The following ZNF518A variants were observed in gnomAD, a reference collection of about 807,000 sequenced individuals.
ZNF518A encodes the protein zinc finger protein 518.
A neutral mutation model predicts 102.7 loss-of-function variants in ZNF518A; 47 were observed. The observed-to-expected ratio is 0.46, with a 90% CI of 0.36 to 0.58. ZNF518A has a LOEUF of 0.58. Among genes scored for constraint, ZNF518A ranks in the 20% least tolerant of loss-of-function variants. The pLI, the probability that ZNF518A is intolerant of heterozygous loss-of-function variation, is 0.00. For missense variants in ZNF518A, 1,793 were observed against 1,699.8 expected, an observed-to-expected ratio of 1.05 and a Z score of -0.96; for synonymous variants, 652 against 594.6, an observed-to-expected ratio of 1.10 and a Z score of -1.40.
chr10:96,183,111 AG>A (rs1429502691), intron 1 of ZNF518A, among the ~76,000 whole-genome samples: 1 of 152,068 alleles, frequency 6.6e-6, no homozygotes, highest in Non-Finnish European at 1.5e-5. Context: ...ATTTGTGTAG[AG>A]GTGTTTATAG....
chr10:96,167,511 T>C (rs1238946490), downstream of ZNF518A, among the ~76,000 whole-genome samples: 1 of 152,166 alleles, frequency 6.6e-6, no homozygotes, highest in Admixed American at 6.6e-5. Context: ...TTAAGGAAAG[T>C]ATTCTAATGT....
intron 1 of ZNF518A, among the ~76,000 whole-genome samples, chr10:96,194,380 T>A (rs2083405282): frequency 6.6e-6 from 1 of 152,038 alleles, no homozygotes; most frequent in South Asian, 2.1e-4. Context: ...AAAATAAAAT[T>A]CCCCAATATA....
intron 1 of ZNF518A, among the ~76,000 whole-genome samples, chr10:96,188,967 C>T (rs2083289981): frequency 6.6e-6 from 1 of 152,164 alleles, no homozygotes; most frequent in Admixed American, 6.5e-5. Flanking sequence ...ATCTTTGGTG[C>T]TCCCAGGCCT....
At chr10:96,196,071 C>G (rs1564810345) in intron 1 of ZNF518A, among the ~76,000 whole-genome samples, 2 of 152,206 alleles carry the variant, frequency 1.3e-5, no homozygotes, top group South Asian at 2.1e-4. Flanking sequence ...TATTTTCTAG[C>G]AGGTGCTGGG....
In ZNF518A at chr10:96,157,837, A is replaced by G; in HGVS notation, c.1515A>G (p.Thr505=). 2 of 1,613,928 alleles carry G rather than the reference A, an allele frequency of 1.2e-6. No homozygotes were observed. Among genetic ancestry groups the G allele is most frequent in the South Asian group, 1.1e-5 (1 of 91,076 alleles). ...GAGTAACAACTGAGTTAAATGACAC[A>G]GTTTATATGAAAGCAGCTACTCCAT... is the stretch of plus-strand genomic sequence containing the variant. The part of the protein sequence containing the change: ...LTGVTTELND[T]VYMKAATPFS... The change falls in exon 6 of 6, where the codon ACA becomes ACG. Residue 505 remains threonine, a synonymous_variant. Transcript: ENST00000316045.
intron 1 of ZNF518A, among the ~76,000 whole-genome samples, chr10:96,184,509 T>C (rs2083259317): frequency 1.3e-5 from 2 of 152,214 alleles, no homozygotes; most frequent in African/African-American, 2.4e-5. Flanking sequence ...GGTGACAAAA[T>C]CTCTCAGCAT....
chr10:96,204,064 AGG>A, exon 3 of ZNF518A: 1 of 1,613,700 alleles, frequency 6.2e-7, no homozygotes. Flanking sequence ...TACTTGGCAG[AGG>A]TATGGGTTTT....
Position 96,199,525 on chromosome 10 carries a change from C to T in ZNF518A, n.36-4049C>T, listed in dbSNP as rs1414018221. On this transcript the variant is annotated intron_variant and non_coding_transcript_variant, in intron 1 of 2. Transcript: ENST00000442635. ...CCCACTGTTTGGAGGGCAGTGGAGG[C>T]TGTGGGTCCTTGAGGAGATGAAAGG... 1.3e-5 allele frequency: 6 copies of T among 460,880 alleles called. No individual in the cohort carries two copies. The East Asian group carries it at 4.0e-4, about 31-fold the overall frequency. 28.5% of individuals were successfully genotyped at this position (460,880 alleles called of 1,614,324 possible).
intron 3 of ZNF518A, among the ~76,000 whole-genome samples, chr10:96,148,578 G>A (rs587630203): frequency 1.5e-5 from 2 of 130,566 alleles, no homozygotes; most frequent in East Asian, 4.5e-4. Flanking sequence ...CTGTCTGCTT[G>A]TGTCTCAGAA....
intron 3 of ZNF518A, among the ~76,000 whole-genome samples, chr10:96,134,119 A>G (rs1554873440): frequency 6.6e-6 from 1 of 152,250 alleles, no homozygotes; most frequent in Non-Finnish European, 1.5e-5. Context: ...AAAGGCAATC[A>G]TCACTGGAAC....
At position 96,159,514 on chromosome 10, in the gene ZNF518A, T is replaced by G; in HGVS notation, c.3192T>G (p.Ile1064Met). Residue 1064 changes from isoleucine (I) to methionine (M), a missense_variant, in exon 6 of 6, where the codon ATT becomes ATG. By Grantham distance (10) the Ile-to-Met change is conservative. Transcript: ENST00000316045. ...KPTSSVKAVL[I>M]PNMLSEQQST... is the part of the protein sequence containing the mutation. The stretch of plus-strand genomic sequence containing the variant: ...CGAGTTCTGTGAAAGCTGTTCTTAT[T>G]CCTAACATGCTATCTGAGCAACAGA... 3 of 1,613,880 alleles carry G rather than the reference T, an allele frequency of 1.9e-6. No homozygotes were observed. The South Asian group carries it at 3.3e-5, about 18-fold the overall frequency.
Position 96,162,294 on chromosome 10 carries a change from T to C in ZNF518A, c.*1520T>C, listed in dbSNP as rs2133859940. 1 of 166,952 alleles carries C rather than the reference T, an allele frequency of 6.0e-6. No individual in the cohort carries two copies. Among genetic ancestry groups the C allele is most frequent in the South Asian group, 2.1e-4 (1 of 4,830 alleles). 10.3% of individuals were successfully genotyped at this position (166,952 alleles called of 1,614,324 possible). A position where few individuals can be genotyped will look rare whatever the true frequency, so the allele number is the denominator to read the frequency against. On this transcript the variant is annotated 3_prime_UTR_variant, in exon 6 of 6. Transcript: ENST00000316045. Reference sequence around the variant, plus strand: ...AATTTAAAAGGAATATATAAGACTTTACCCATGTTATTTTCTTGGTTTTTA... The same window carrying C: ...AATTTAAAAGGAATATATAAGACTTCACCCATGTTATTTTCTTGGTTTTTA...
intron 1 of ZNF518A, among the ~76,000 whole-genome samples, chr10:96,201,866 A>G (rs587674472): frequency 1.6e-4 from 25 of 152,330 alleles, no homozygotes; most frequent in African/African-American, 5.3e-4. Flanking sequence ...ATTTTAATGG[A>G]TTGAGATGGG....
At chr10:96,176,855 C>T (rs1215863798) in intron 1 of ZNF518A, among the ~76,000 whole-genome samples, 1 of 152,168 alleles carries the variant, frequency 6.6e-6, no homozygotes, top group East Asian at 1.9e-4. Flanking sequence ...TGAGATCGTG[C>T]CACTGCATTC....
downstream of ZNF518A, chr10:96,204,886 G>A (rs188507990): frequency 5.7e-4 from 235 of 408,952 alleles, no homozygotes; most frequent in Middle Eastern, 6.2e-3. Flanking sequence ...CTGAACCCAC[G>A]GGCCCTGAAA....
chr10:96,134,984 C>G (rs1446011922), intron 3 of ZNF518A, among the ~76,000 whole-genome samples: 1 of 152,122 alleles, frequency 6.6e-6, no homozygotes, highest in Non-Finnish European at 1.5e-5. Context: ...CCACCCCTCC[C>G]CTATTCTGAG....
At chr10:96,191,061 T>A (rs1554893267) in intron 1 of ZNF518A, among the ~76,000 whole-genome samples, 1 of 152,016 alleles carries the variant, frequency 6.6e-6, no homozygotes, top group African/African-American at 2.4e-5. Flanking sequence ...GGTTTTCCCA[T>A]GTTGTTGTGA....
chr10:96,146,689 T>C (rs946166968), intron 3 of ZNF518A, among the ~76,000 whole-genome samples: 2 of 152,216 alleles, frequency 1.3e-5, no homozygotes, highest in African/African-American at 4.8e-5. Context: ...TACCAACTAT[T>C]TAAGAAACAG....
Position 96,156,712 on chromosome 10 carries a change from T to C in ZNF518A, c.390T>C (p.Tyr130=), listed in dbSNP as rs1554882689. ...SCLKCRDNTR[Y]SPNDLQKHFQ... ...TAAAATGCCGAGACAACACTCGATA[T>C]AGCCCAAATGATTTGCAGAAACACT... The change falls in exon 6 of 6, where the codon TAT becomes TAC. Residue 130 remains tyrosine, a synonymous_variant. Transcript: ENST00000316045. 1 of 1,613,878 alleles carries C rather than the reference T, an allele frequency of 6.2e-7. No homozygotes were observed. The highest frequency in any genetic ancestry group is 8.5e-7 in the Non-Finnish European group (1 of 1,179,800).
Sources: allele counts gnomAD v4.1 joint callset (sites outside exome capture counted in the v4.1 genomes callset), GRCh38; gene constraint gnomAD v4.1.1; transcripts MANE v1.5; gene names NCBI Gene and HGNC (gene_info 2026-07-23, HGNC 2026-07-21).